PPARD: variants seen among roughly 807,000 people sequenced by gnomAD.
PPARD encodes peroxisome proliferator activated receptor delta.
Under a neutral mutation model 39.5 loss-of-function variants are expected in PPARD, and 6 were observed. The ratio of observed to expected loss-of-function variants is 0.15; its 90% CI spans 0.08 to 0.30. The LOEUF is 0.30. Among genes scored for constraint, PPARD ranks in the 10% least tolerant of loss-of-function variants. PPARD has a pLI of 1.00. For missense variants in PPARD, 397 were observed against 596.8 expected, an observed-to-expected ratio of 0.67 and a Z score of 3.49; for synonymous variants, 210 against 231.3, an observed-to-expected ratio of 0.91 and a Z score of 0.83.
At chr6:35,397,062 T>C (rs1325058095) in intron 2 of PPARD, among the ~76,000 whole-genome samples, 2 of 152,150 alleles carry the variant, frequency 1.3e-5, no homozygotes, top group Non-Finnish European at 2.9e-5. Flanking sequence ...TCAGCTGCCC[T>C]TCACTCTTCC....
At position 35,424,700 on chromosome 6, in the gene PPARD, A is replaced by T. The variant is rs1766452001; in HGVS notation, c.999A>T (p.Glu333Asp). The T allele has an allele frequency of 6.2e-7, 1 of 1,614,044 alleles. No homozygotes were observed. The highest frequency in any genetic ancestry group is 8.5e-7 in the Non-Finnish European group (1 of 1,180,030). Residue 333 changes from glutamate (E) to aspartate (D), a missense_variant, in exon 7 of 8, where the codon GAA becomes GAT. Glu to Asp is a conservative substitution (Grantham distance 45). Coordinates refer to ENST00000360694, the MANE Select transcript of PPARD (RefSeq NM_006238.5). This position sits in a 1 kb window ranked among gnomAD's most constrained non-coding sequence, Gnocchi z 7.1. ...GTGATATCATTGAGCCTAAGTTTGA[A>T]TTTGCTGTCAAGTTCAACGCCCTGG... The part of the protein sequence containing the change: ...PFSDIIEPKF[E>D]FAVKFNALEL...
chr6:35,408,724 C>T (rs1220210805), intron 2 of PPARD, among the ~76,000 whole-genome samples: 1 of 152,222 alleles, frequency 6.6e-6, no homozygotes, highest in Non-Finnish European at 1.5e-5. Flanking sequence ...GCCCAATTTT[C>T]AAGAGAAGCC....
intron 2 of PPARD, among the ~76,000 whole-genome samples, chr6:35,399,507 C>T (rs991092954): frequency 3.4e-5 from 5 of 148,072 alleles, no homozygotes; most frequent in African/African-American, 1.3e-4. Context: ...GGGAGGAGTT[C>T]AGTTCAAGAC....
At position 35,423,075 on chromosome 6, in the gene PPARD, A is replaced by G. The variant is rs1004792119; in HGVS notation, c.425-871A>G. ...TCTACAAAAAAAAAAAAAAAAAAAA[A>G]AAAAATTTAGCCAGGCTTGGTGGCG... On this transcript the variant is annotated intron_variant, in intron 5 of 7. Coordinates refer to ENST00000360694, the MANE Select transcript of PPARD (RefSeq NM_006238.5). Among the ~76,000 whole-genome samples the G allele has an allele frequency of 3.2e-3, 461 of 144,812 alleles. 3 individuals carry two copies. The highest frequency in any genetic ancestry group is 0.011 in the African/African-American group (435 of 40,354).
At chr6:35,400,344 G>C (rs1353959690) in intron 2 of PPARD, among the ~76,000 whole-genome samples, 1 of 152,184 alleles carries the variant, frequency 6.6e-6, no homozygotes, top group African/African-American at 2.4e-5. Context: ...AGAGTAGGGG[G>C]TGTAGTGATA....
rs1209152633 is a variant in PPARD at position 35,401,938 on chromosome 6, G to A, written c.-101-9049G>A. Among the ~76,000 whole-genome samples the A allele has an allele frequency of 3.5e-4, 53 of 152,094 alleles. No individual in the cohort carries two copies. Among genetic ancestry groups the A allele is most frequent in the Non-Finnish European group, 2.2e-4 (15 of 68,026 alleles). On this transcript the variant is annotated intron_variant, in intron 2 of 7. Transcript: ENST00000360694. This position sits in a 1 kb window ranked among gnomAD's most constrained non-coding sequence, Gnocchi z 4.1. ...TCTCTGGTGAGTCTCTCTGCTGGCC[G>A]GCAGAACCACCCTACCCTGGAAGCC...
chr6:35,369,197 A>G (rs1279967489), intron 2 of PPARD, among the ~76,000 whole-genome samples: 1 of 152,222 alleles, frequency 6.6e-6, no homozygotes, highest in Non-Finnish European at 1.5e-5. Context: ...TCCACGGTTA[A>G]TGTTTTGAAT....
In PPARD at chr6:35,424,285, G is replaced by GCAC; in HGVS notation, c.628-44_628-43insCAC. 1 of 1,600,678 alleles carries GCAC rather than the reference G, an allele frequency of 6.2e-7. No homozygotes were observed. Among genetic ancestry groups the GCAC allele is most frequent in the Non-Finnish European group, 8.5e-7 (1 of 1,171,208 alleles). ...GCAAGGGACATGGGGAGCACAGGGT[G>GCAC]GGGGTCTCCCGAGGCCTGATCTCTA... is the stretch of plus-strand genomic sequence containing the variant. On this transcript the variant is annotated intron_variant, in intron 6 of 7. Transcript: ENST00000360694. This position sits in a 1 kb window ranked among gnomAD's most constrained non-coding sequence, Gnocchi z 7.1.
chr6:35,420,031 G>A, intron 3 of PPARD, 96 bp from the exon 4 acceptor site: 1 of 1,443,090 alleles, frequency 6.9e-7, no homozygotes, highest in Admixed American at 2.0e-5. Flanking sequence ...CCACACAGCT[G>A]TTAAGTGGCT....
rs370598553 is a variant in PPARD at position 35,397,207 on chromosome 6, ACT to A, written c.-101-13777_-101-13776del. Among the ~76,000 whole-genome samples, 22 of 126,642 alleles carry A rather than the reference ACT, an allele frequency of 1.7e-4. 1 individual carries two copies. The East Asian group carries it at 3.9e-3, about 23-fold the overall frequency. 83.1% of individuals were successfully genotyped at this position (126,642 alleles called of 152,430 possible). A position where few individuals can be genotyped will look rare whatever the true frequency, so the allele number is the denominator to read the frequency against. On this transcript the variant is annotated intron_variant, in intron 2 of 7. Coordinates refer to ENST00000360694, the MANE Select transcript of PPARD (RefSeq NM_006238.5). ...ACCCCCACCCTGGGTCTGACCTAGGACTCTGAGTCAGGGAGGCCTCCCTCCAC... is the reference window on the plus strand; with the variant it reads ...ACCCCCACCCTGGGTCTGACCTAGGACTGAGTCAGGGAGGCCTCCCTCCAC...
intron 2 of PPARD, among the ~76,000 whole-genome samples, chr6:35,372,431 G>C (rs1034300166): frequency 2.0e-5 from 3 of 152,176 alleles, no homozygotes; most frequent in Non-Finnish European, 4.4e-5. Flanking sequence ...TGCCCACCTT[G>C]GCTTCCCAAA....
chr6:35,403,013 A>G (rs1194980324), intron 2 of PPARD, among the ~76,000 whole-genome samples: 1 of 152,268 alleles, frequency 6.6e-6, no homozygotes, highest in Non-Finnish European at 1.5e-5. Flanking sequence ...GGTCACCTGC[A>G]TGTGGGGCGA....
At chr6:35,374,657 C>G (rs75955484) in intron 2 of PPARD, among the ~76,000 whole-genome samples, 1 of 80,560 alleles carries the variant, frequency 1.2e-5, no homozygotes, top group Admixed American at 1.4e-4. Flanking sequence ...GACTCTGTCT[C>G]AAAAAAAAAA....
intron 2 of PPARD, among the ~76,000 whole-genome samples, chr6:35,351,048 C>T (rs907579481): frequency 3.3e-5 from 5 of 152,096 alleles, no homozygotes; most frequent in African/African-American, 4.8e-5. Context: ...TTTTTTGAGA[C>T]GGAGTCTCTC....
intron 2 of PPARD, among the ~76,000 whole-genome samples, chr6:35,380,111 GA>G (rs1281910078): frequency 6.6e-6 from 1 of 152,216 alleles, no homozygotes; most frequent in Non-Finnish European, 1.5e-5. Flanking sequence ...AAGATTAGAG[GA>G]AAATGTAGCA....
rs776696711 is a variant in PPARD, at chr6:35,420,112, A to G, written c.131-15A>G. The stretch of plus-strand genomic sequence containing the variant: ...TGGCAGCATGTGGAGCTGCCCCTCC[A>G]TCGTGTGTCCGCAGACCTCTCCCGG... On this transcript the variant is annotated splice_polypyrimidine_tract_variant and intron_variant, in intron 3 of 7. Transcript: ENST00000360694. 2 of 1,609,290 alleles carry G rather than the reference A, an allele frequency of 1.2e-6. No homozygotes were observed. Among genetic ancestry groups the G allele is most frequent in the East Asian group, 2.2e-5 (1 of 44,632 alleles).
chr6:35,365,041 C>G (rs1036938935), intron 2 of PPARD, among the ~76,000 whole-genome samples: 1 of 151,774 alleles, frequency 6.6e-6, no homozygotes, highest in South Asian at 2.1e-4. Context: ...ATACCTGATA[C>G]CTGTCTGCTA....
At chr6:35,419,996 C>A in intron 3 of PPARD, 131 bp from the exon 4 acceptor site, 1 of 1,098,652 alleles carries the variant, frequency 9.1e-7, no homozygotes, top group Non-Finnish European at 1.3e-6. Flanking sequence ...AGAAACTGGT[C>A]CTCAGAAAGG....
chr6:35,390,030 C>T (rs1398029014), intron 2 of PPARD, among the ~76,000 whole-genome samples: 1 of 152,202 alleles, frequency 6.6e-6, no homozygotes, highest in Non-Finnish European at 1.5e-5. Context: ...GGCCCTTTAT[C>T]TGTCCTTCAG....
Sources: allele counts gnomAD v4.1 joint callset (sites outside exome capture counted in the v4.1 genomes callset), GRCh38; gene constraint gnomAD v4.1.1; non-coding constraint Gnocchi (gnomAD v3.1); transcripts MANE v1.5; gene names NCBI Gene and HGNC (gene_info 2026-07-23, HGNC 2026-07-21).